Variants in LY75 observed in about 807,000 individuals in gnomAD.
LY75 encodes the protein lymphocyte antigen 75, also known as C-type lectin domain family 13 member B.
Under a neutral mutation model 231.7 loss-of-function variants are expected in LY75, and 185 were observed. That is an observed-to-expected ratio of 0.80 (90% CI 0.71 to 0.90). The LOEUF is 0.90. Among genes scored for constraint, LY75 ranks in the 40% least tolerant of loss-of-function variants. LY75 has a pLI of 0.00. For missense variants in LY75, 1,947 were observed against 2,050.2 expected (o/e 0.95, Z 0.97); for synonymous variants, 668 against 689.0 (o/e 0.97, Z 0.48).
chr2:159,894,145 G>A lies in LY75; in HGVS notation c.467-61C>T, dbSNP rs1560105362. On this transcript the variant is annotated intron_variant, in intron 2 of 34. Coordinates refer to ENST00000263636, the MANE Select transcript of LY75 (RefSeq NM_002349.4). The stretch of plus-strand genomic sequence containing the variant: ...AAAACTGGGTAGTCAGCGTCAGGTG[G>A]CTAATTTCTAAAACTGTTTTTAAAA... 6.6e-6 allele frequency: 10 copies of A among 1,514,440 alleles called. No individual in the cohort carries two copies. The Admixed American group carries it at 6.7e-5, about 10-fold the overall frequency. 93.8% of individuals were successfully genotyped at this position (1,514,440 alleles called of 1,614,324 possible). A position where few individuals can be genotyped will look rare whatever the true frequency, so the allele number is the denominator to read the frequency against.
At position 159,875,609 on chromosome 2, in the gene LY75, T is replaced by A; in HGVS notation, c.1809A>T (p.Gly603=). Residue 603 remains glycine, a synonymous_variant, in exon 12 of 35, where the codon GGA becomes GGT. Coordinates refer to ENST00000263636, the MANE Select transcript of LY75 (RefSeq NM_002349.4). ...TCACCTCCCACTTTCCAACAGACTT[T>A]CCAGTAGACATAGCCACGCAGCCGC... ...SPGGCVAMST[G]KSVGKWEVKD... The A allele has an allele frequency of 6.2e-7, 1 of 1,613,942 alleles. No individual in the cohort carries two copies. The highest frequency in any genetic ancestry group is 8.5e-7 in the Non-Finnish European group (1 of 1,179,984).
chr2:159,899,718 T>G (rs1395040531), intron 1 of LY75, among the ~76,000 whole-genome samples: 1 of 152,128 alleles, frequency 6.6e-6, no homozygotes, highest in Admixed American at 6.6e-5. Flanking sequence ...AAAGACCACT[T>G]CCCCCTAGAT....
chr2:159,823,225 T>C (rs1560067058), intron 28 of LY75, among the ~76,000 whole-genome samples: 2 of 152,122 alleles, frequency 1.3e-5, no homozygotes, highest in Non-Finnish European at 2.9e-5. Context: ...AACTGCTAAC[T>C]AGAATACCCA....
intron 12 of LY75, 48 bp downstream of exon 12, chr2:159,875,396 A>G (rs1408727441): frequency 6.3e-7 from 1 of 1,592,114 alleles, no homozygotes. Context: ...GAACAAGGGT[A>G]GTGGAAAAAT....
At chr2:159,816,706 T>C (rs1169624358) in intron 30 of LY75, 100 bp downstream of exon 30, 2 of 1,493,624 alleles carry the variant, frequency 1.3e-6, no homozygotes, top group East Asian at 2.3e-5. Flanking sequence ...GTCCCAGTAC[T>C]TCATCTAATG....
chr2:159,805,070 T>G lies in LY75; in HGVS notation c.5143A>C (p.Ile1715Leu), dbSNP rs1682752026. 1 of 1,614,004 alleles carries G rather than the reference T, an allele frequency of 6.2e-7. No individual in the cohort carries two copies. Among genetic ancestry groups the G allele is most frequent in the African/African-American group, 1.3e-5 (1 of 75,052 alleles). The change falls in exon 35 of 35, where the codon ATT (isoleucine) becomes CTT (leucine). Residue 1715 changes from isoleucine to leucine, a missense_variant. Coordinates refer to ENST00000263636, the MANE Select transcript of LY75 (RefSeq NM_002349.4). ...TAGTCATGGAAAGAAGGAAGCATAA[T>G]CTCATCTTCATTCACTCCTTGTGCA... ...RYAQGVNEDEIMLPSFHD is the reference protein window; with the variant it reads ...RYAQGVNEDELMLPSFHD
At chr2:159,862,256 C>T (rs1684729398) in intron 14 of LY75, among the ~76,000 whole-genome samples, 1 of 148,054 alleles carries the variant, frequency 6.8e-6, no homozygotes, top group South Asian at 2.1e-4. Context: ...TGCACGACTG[C>T]ACTCTAGCCT....
intron 11 of LY75, 116 bp from the exon 12 acceptor site, chr2:159,875,759 A>G: frequency 7.9e-7 from 1 of 1,259,884 alleles, no homozygotes. Context: ...AAAAAAATGG[A>G]ACAAAGAGAG....
intron 12 of LY75, 77 bp from the exon 13 acceptor site, chr2:159,872,670 A>C (rs1685051836): frequency 1.3e-6 from 2 of 1,508,820 alleles, no homozygotes; most frequent in Non-Finnish European, 1.8e-6. Flanking sequence ...AATTACTGTC[A>C]CATGTGTGGG....
intron 18 of LY75, 42 bp downstream of exon 18, chr2:159,854,318 C>T: frequency 8.0e-7 from 1 of 1,250,408 alleles, no homozygotes; most frequent in Non-Finnish European, 1.0e-6. Context: ...GGAATAAATA[C>T]AAAAATAAGA....
In LY75 at chr2:159,831,891, T is replaced by C. The variant is rs938654960; in HGVS notation, c.3842-105A>G. On this transcript the variant is annotated intron_variant, in intron 27 of 34. Coordinates refer to ENST00000263636, the MANE Select transcript of LY75 (RefSeq NM_002349.4). ...GTTCTCAGTTTAATATACTTCAAAA[T>C]ATAAACAATATTGGACAATTAGAAA... The C allele has an allele frequency of 4.7e-6, 4 of 848,398 alleles. No homozygotes were observed. The South Asian group carries it at 5.8e-5, about 12-fold the overall frequency. 52.6% of individuals were successfully genotyped at this position (848,398 alleles called of 1,614,324 possible). A position where few individuals can be genotyped will look rare whatever the true frequency, so the allele number is the denominator to read the frequency against.
chr2:159,850,611 A>C (rs966864639), intron 21 of LY75, 144 bp from the exon 22 acceptor site: 1 of 998,782 alleles, frequency 1.0e-6, no homozygotes, highest in African/African-American at 1.6e-5. Flanking sequence ...TAAGAATTCA[A>C]GTTTATGCTC....
rs572957650 is a variant in LY75, at chr2:159,881,000, G to A, written c.1404+83C>T. 1.7e-4 allele frequency: 255 copies of A among 1,501,102 alleles called. 1 individual carries two copies. In the African/African-American group the frequency reaches 3.1e-3, roughly 18 times the overall value. The allele number at this position is 1,501,102 out of a possible 1,614,324, so 93.0% of individuals were successfully genotyped here. A position where few individuals can be genotyped will look rare whatever the true frequency, so the allele number is the denominator to read the frequency against. ...TTACCTTTTATTTTCCAGCTTATAC[G>A]CAAACTTCCCAACCAAAGAAGTCTT... On this transcript the variant is annotated intron_variant, in intron 8 of 34. Coordinates refer to ENST00000263636, the MANE Select transcript of LY75 (RefSeq NM_002349.4).
At position 159,853,304 on chromosome 2, in the gene LY75, G is replaced by A; in HGVS notation, c.2712C>T (p.Cys904=). ...GCCAAGTCTTGGCAGACATGTACAA[G>A]CATTCCTCTCCAAATGTCACAGGAA... The part of the protein sequence containing the change: ...HRFPVTFGEE[C]LYMSAKTWLI... The change falls in exon 20 of 35, where the codon TGC becomes TGT. Residue 904 remains cysteine, a synonymous_variant. Coordinates refer to ENST00000263636, the MANE Select transcript of LY75 (RefSeq NM_002349.4). 1.2e-6 allele frequency: 2 copies of A among 1,613,464 alleles called. No homozygotes were observed. The highest frequency in any genetic ancestry group is 1.7e-5 in the Admixed American group (1 of 60,008).
chr2:159,837,742 G>T (rs1020023601), intron 25 of LY75, among the ~76,000 whole-genome samples: 1 of 152,192 alleles, frequency 6.6e-6, no homozygotes, highest in African/African-American at 2.4e-5. Flanking sequence ...AGGACTATGA[G>T]AAAGGAGTAG....
chr2:159,899,201 A>T, intron 1 of LY75, 142 bp from the exon 2 acceptor site: 1 of 1,453,024 alleles, frequency 6.9e-7, no homozygotes, highest in Non-Finnish European at 9.2e-7. Flanking sequence ...GGACTACAAA[A>T]GGTGGGACAG....
At chr2:159,864,788 T>C (rs759427805) in intron 14 of LY75, 51 bp downstream of exon 14, 5 of 1,452,886 alleles carry the variant, frequency 3.4e-6, no homozygotes, top group Non-Finnish European at 4.6e-6. Flanking sequence ...AACTTGTTAT[T>C]GAAACAAACA....
intron 1 of LY75, chr2:159,903,370 C>G (rs1044154418): frequency 6.6e-6 from 1 of 152,164 alleles, no homozygotes; most frequent in Non-Finnish European, 1.5e-5. Context: ...TGAACTTTTC[C>G]ACCTTGGATT....
At chr2:159,814,793 T>C (rs1230422251) in intron 31 of LY75, among the ~76,000 whole-genome samples, 1 of 152,030 alleles carries the variant, frequency 6.6e-6, no homozygotes, top group Admixed American at 6.5e-5. Context: ...TTATATGTTG[T>C]GGGACCCTTT....
Sources: allele counts gnomAD v4.1 joint callset (sites outside exome capture counted in the v4.1 genomes callset), GRCh38; gene constraint gnomAD v4.1.1; transcripts MANE v1.5; gene names NCBI Gene and HGNC (gene_info 2026-07-23, HGNC 2026-07-21).